The following WFDC11 variants were observed in gnomAD, a reference collection of about 807,000 sequenced individuals.
WFDC11 encodes the protein protein WFDC11.
In WFDC11, 9 loss-of-function variants were observed where a neutral mutation model predicts 9.9. That is an observed-to-expected ratio of 0.91 (90% CI 0.55 to 1.58). The LOEUF (loss-of-function observed/expected upper bound fraction) is 1.58, where lower values mean the gene tolerates loss of function less well. WFDC11 is among the 40% of genes most tolerant of loss of function. The probability of loss-of-function intolerance (pLI) is 0.00; values close to 1 mark genes in which losing one functional copy is unlikely to be tolerated. For missense variants in WFDC11, 106 were observed against 101.7 expected (o/e 1.04, Z -0.18); for synonymous variants, 32 against 33.3 (o/e 0.96, Z 0.13).
At chr20:45,657,283 G>A (rs1242368308) in intron 2 of WFDC11, among the ~76,000 whole-genome samples, 1 of 152,066 alleles carries the variant, frequency 6.6e-6, no homozygotes, top group Non-Finnish European at 1.5e-5. Flanking sequence ...GTCCTTTGTA[G>A]GGACATGGAT....
At chr20:45,669,262 C>T (rs1240689631) in intron 1 of WFDC11, among the ~76,000 whole-genome samples, 1 of 152,178 alleles carries the variant, frequency 6.6e-6, no homozygotes, top group Non-Finnish European at 1.5e-5. Context: ...TTGGGTAACT[C>T]ATTTCACTTC....
At chr20:45,665,797 G>A (rs191051462) in intron 2 of WFDC11, among the ~76,000 whole-genome samples, 176 of 152,206 alleles carry the variant, frequency 1.2e-3, no homozygotes, top group Non-Finnish European at 1.8e-3. Flanking sequence ...TGGAAGCTTC[G>A]TCCCAGAGGG....
At chr20:45,659,020 T>C (rs567877834) in intron 2 of WFDC11, among the ~76,000 whole-genome samples, 1 of 152,348 alleles carries the variant, frequency 6.6e-6, no homozygotes, top group East Asian at 1.9e-4. Flanking sequence ...GCTTCATCCA[T>C]GTCCCTACAA....
intron 2 of WFDC11, among the ~76,000 whole-genome samples, chr20:45,654,959 A>T (rs1299289912): frequency 6.6e-6 from 1 of 152,166 alleles, no homozygotes; most frequent in Non-Finnish European, 1.5e-5. Context: ...CAATCAAAAA[A>T]AGTCCAGGAC....
At chr20:45,657,563 C>G (rs1021383602) in intron 2 of WFDC11, among the ~76,000 whole-genome samples, 4 of 152,080 alleles carry the variant, frequency 2.6e-5, no homozygotes, top group Non-Finnish European at 5.9e-5. Context: ...TGCACATGTA[C>G]CCTAAAACTT....
Position 45,648,669 on chromosome 20 carries a change from T to A in WFDC11, c.*50A>T. ...CACAGGGTACTACTATGAGACCTCT[T>A]AAACATTTCCCAGCCCACACAGGTG... On this transcript the variant is annotated 3_prime_UTR_variant, in exon 5 of 5. Transcript: ENST00000324384. The A allele has an allele frequency of 6.2e-7, 1 of 1,611,566 alleles. No homozygotes were observed. The highest frequency in any genetic ancestry group is 2.2e-5 in the East Asian group (1 of 44,876).
chr20:45,664,590 A>G (rs1336872841), intron 2 of WFDC11, among the ~76,000 whole-genome samples: 2 of 151,950 alleles, frequency 1.3e-5, no homozygotes, highest in Non-Finnish European at 2.9e-5. Flanking sequence ...TGCTTCCTTC[A>G]GGGCCCTTGT....
intron 2 of WFDC11, among the ~76,000 whole-genome samples, chr20:45,652,133 C>T (rs183432512): frequency 6.6e-6 from 1 of 152,354 alleles, no homozygotes; most frequent in African/African-American, 2.4e-5. Context: ...GACAGACTGC[C>T]TTCTCAAGTG....
chr20:45,665,784 C>G (rs1274572106), intron 2 of WFDC11, among the ~76,000 whole-genome samples: 1 of 152,186 alleles, frequency 6.6e-6, no homozygotes, highest in East Asian at 1.9e-4. Context: ...CTGATCCTTC[C>G]TCTGGAAGCT....
At chr20:45,668,823 G>C (rs1983238871) in intron 1 of WFDC11, among the ~76,000 whole-genome samples, 1 of 152,070 alleles carries the variant, frequency 6.6e-6, no homozygotes, top group African/African-American at 2.4e-5. Context: ...TGACAAGCTT[G>C]GTGGTTTCAG....
chr20:45,670,074 A>G (rs1247911791), intron 1 of WFDC11, 104 bp downstream of exon 1: 1 of 152,150 alleles, frequency 6.6e-6, no homozygotes, highest in Non-Finnish European at 1.5e-5. Context: ...CACAAAATTG[A>G]TAACCTCTTG....
At chr20:45,663,901 G>T (rs1227866510) in intron 2 of WFDC11, among the ~76,000 whole-genome samples, 1 of 151,704 alleles carries the variant, frequency 6.6e-6, no homozygotes, top group Admixed American at 6.6e-5. Context: ...AATGTATATT[G>T]TTGATTTGGG....
intron 2 of WFDC11, among the ~76,000 whole-genome samples, chr20:45,655,426 T>C (rs979552463): frequency 2.4e-4 from 37 of 152,246 alleles, no homozygotes; most frequent in African/African-American, 8.7e-4. Flanking sequence ...ATTGATGGGA[T>C]GTATCTCAAA....
rs1982750900 is a variant in WFDC11, at chr20:45,649,318, C to T, written c.182G>A (p.Cys61Tyr). 1.9e-6 allele frequency: 3 copies of T among 1,614,142 alleles called. No homozygotes were observed. Among genetic ancestry groups the T allele is most frequent in the Non-Finnish European group, 8.5e-7 (1 of 1,180,012 alleles). Residue 61 changes from cysteine to tyrosine, a missense_variant, in exon 4 of 5, where the codon TGT becomes TAT. Coordinates refer to ENST00000324384, the MANE Select transcript of WFDC11 (RefSeq NM_147197.2). ...GCAGCATGTGTAATTTTTGTCTTTA[C>T]ATCTAAAGGCTTTAGAACACTTATT... Reference protein sequence around the residue: ...CTNKCSKAFRCKDKNYTCCWT... With the variant: ...CTNKCSKAFRYKDKNYTCCWT...
rs572308568 is a variant in WFDC11, at chr20:45,656,164, C to T, written c.-51-5513G>A. On this transcript the variant is annotated intron_variant, in intron 2 of 4. Transcript: ENST00000324384. ...CAAAAGAACAAAGCTGGAGGCATCA[C>T]GTTACCTGACTTCAAATTATACTAC... 3.3e-5 allele frequency among the ~76,000 whole-genome samples: 5 copies of T among 152,212 alleles called. No individual in the cohort carries two copies. The East Asian group carries it at 5.8e-4, about 18-fold the overall frequency.
At chr20:45,662,368 G>A (rs113528368) in intron 2 of WFDC11, among the ~76,000 whole-genome samples, 3,001 of 152,202 alleles carry the variant, frequency 0.02, 88 homozygotes, top group African/African-American at 0.064. Context: ...CTGCAAACAG[G>A]GACAATTTGA....
At position 45,663,911 on chromosome 20, in the gene WFDC11, G is replaced by T. The variant is rs553573761; in HGVS notation, c.-52+3177C>A. On this transcript the variant is annotated intron_variant, in intron 2 of 4. Transcript: ENST00000324384. ...AGAAGAATGTATATTGTTGATTTGG[G>T]TGGAGAGTTTTGTAGATGTCTATTA... 2.6e-5 allele frequency among the ~76,000 whole-genome samples: 4 copies of T among 152,280 alleles called. No homozygotes were observed. In the South Asian group the frequency reaches 8.3e-4, roughly 32 times the overall value.
intron 2 of WFDC11, among the ~76,000 whole-genome samples, chr20:45,664,398 AT>A (rs764513632): frequency 7.4e-4 from 113 of 152,164 alleles, no homozygotes; most frequent in Non-Finnish European, 1.5e-3. Flanking sequence ...GCATCTTTTA[AT>A]TGGGGCATTT....
chr20:45,650,488 C>T lies in WFDC11; in HGVS notation c.100+13G>A. 6.2e-7 allele frequency: 1 copy of T among 1,610,858 alleles called. No homozygotes were observed. The highest frequency in any genetic ancestry group is 1.1e-5 in the South Asian group (1 of 90,974). On this transcript the variant is annotated intron_variant, in intron 3 of 4. Coordinates refer to ENST00000324384, the MANE Select transcript of WFDC11 (RefSeq NM_147197.2). Reference sequence around the variant, plus strand: ...CCCCCTCCTGTGGCCCCTAATCCAGCCTCACCACCTACTGTCATATCTTTT... The same window carrying T: ...CCCCCTCCTGTGGCCCCTAATCCAGTCTCACCACCTACTGTCATATCTTTT...
Sources: allele counts gnomAD v4.1 joint callset (sites outside exome capture counted in the v4.1 genomes callset), GRCh38; gene constraint gnomAD v4.1.1; transcripts MANE v1.5; gene names NCBI Gene and HGNC (gene_info 2026-07-23, HGNC 2026-07-21).